MYBPC2: variants seen among roughly 807,000 people sequenced by gnomAD.
MYBPC2 encodes myosin-binding protein C, fast-type.
A neutral mutation model predicts 137.0 loss-of-function variants in MYBPC2; 122 were observed. The observed-to-expected ratio is 0.89, with a 90% CI of 0.77 to 1.03. MYBPC2 has a LOEUF of 1.03. Among genes scored for constraint, MYBPC2 ranks in the 50% least tolerant of loss-of-function variants. The pLI is 0.00. For missense variants in MYBPC2, 1,500 were observed against 1,534.4 expected, an observed-to-expected ratio of 0.98 and a Z score of 0.37; for synonymous variants, 626 against 612.3, an observed-to-expected ratio of 1.02 and a Z score of -0.33.
chr19:50,436,297 G>T (rs1326907486), intron 4 of MYBPC2, 137 bp downstream of exon 4: 1 of 1,359,380 alleles, frequency 7.4e-7, no homozygotes, highest in Non-Finnish European at 9.9e-7. Context: ...GAGGATGGAG[G>T]TTGTGCGGGG....
chr19:50,433,002 G>A (rs1259895040), intron 1 of MYBPC2, 30 bp downstream of exon 1: 3 of 1,575,274 alleles, frequency 1.9e-6, no homozygotes, highest in East Asian at 2.3e-5. Flanking sequence ...CCTGTGTGGG[G>A]ATGGGGCTCT....
rs771211278 is a variant in MYBPC2, at chr19:50,466,238, G to A, written c.*33G>A. 3 of 1,613,826 alleles carry A rather than the reference G, an allele frequency of 1.9e-6. No individual in the cohort carries two copies. Among genetic ancestry groups the A allele is most frequent in the Non-Finnish European group, 2.5e-6 (3 of 1,179,808 alleles). ...CCCCTACCTGCCAAGACAATTGGTG[G>A]TGGAGTCCTGACCCCAATCCCCAAC... On this transcript the variant is annotated 3_prime_UTR_variant, in exon 28 of 28. Coordinates refer to ENST00000357701, the MANE Select transcript of MYBPC2 (RefSeq NM_004533.4). This position sits in a 1 kb window ranked among gnomAD's most constrained non-coding sequence, Gnocchi z 4.9.
intron 20 of MYBPC2, 136 bp from the exon 21 acceptor site, chr19:50,458,451 A>G (rs2039934071): frequency 9.8e-7 from 1 of 1,023,650 alleles, no homozygotes; most frequent in Non-Finnish European, 1.4e-6. Flanking sequence ...AACTAACTCC[A>G]GCTGCTGCTG....
chr19:50,464,298 C>A, intron 26 of MYBPC2, 48 bp from the exon 27 acceptor site: 1 of 1,520,940 alleles, frequency 6.6e-7, no homozygotes, highest in Non-Finnish European at 8.9e-7. Context: ...GTCATCATTG[C>A]CCAGGGTCTC....
chr19:50,445,569 T>C (rs1348060306), intron 11 of MYBPC2, among the ~76,000 whole-genome samples: 1 of 152,030 alleles, frequency 6.6e-6, no homozygotes, highest in Non-Finnish European at 1.5e-5. Flanking sequence ...ATTTTTTATT[T>C]TTTATTAGAG....
In MYBPC2 at chr19:50,459,200, C is replaced by T; in HGVS notation, c.2685C>T (p.Thr895=). ...ACGTGCGGACCAGCGACTTCGACAC[C>T]GTGTTCTTCGTGCGCCAGGCGGCCC... ...RVHVRTSDFD[T]VFFVRQAARS... The change falls in exon 23 of 28, where the codon ACC becomes ACT. Residue 895 remains threonine, a synonymous_variant. Transcript: ENST00000357701. 1 of 1,610,204 alleles carries T rather than the reference C, an allele frequency of 6.2e-7. No individual in the cohort carries two copies. Among genetic ancestry groups the T allele is most frequent in the African/African-American group, 1.3e-5 (1 of 74,898 alleles).
chr19:50,440,064 C>T (rs995347069), intron 7 of MYBPC2, among the ~76,000 whole-genome samples: 8 of 151,976 alleles, frequency 5.3e-5, no homozygotes, highest in South Asian at 4.2e-4. Flanking sequence ...GGGGGAGTGA[C>T]GGAAGTAGCT....
chr19:50,452,235 G>A (rs949090238), intron 16 of MYBPC2, among the ~76,000 whole-genome samples: 19 of 152,318 alleles, frequency 1.2e-4, no homozygotes, highest in Admixed American at 1.0e-3. Context: ...TGATCGACCA[G>A]TTTAGGCTTC....
rs1189131907 is a variant in MYBPC2, at chr19:50,436,642, G to A, written c.371G>A (p.Gly124Glu). 1 of 1,613,964 alleles carries A rather than the reference G, an allele frequency of 6.2e-7. No individual in the cohort carries two copies. The change falls in exon 5 of 28, where the codon GGG (glycine) becomes GAG (glutamate). Residue 124 changes from glycine to glutamate, a missense_variant. By Grantham distance (98) the Gly-to-Glu change is moderately conservative. Coordinates refer to ENST00000357701, the MANE Select transcript of MYBPC2 (RefSeq NM_004533.4). ...GTGTACACCGTGGAGCTGCACATTG[G>A]GAAGGTGGTACTGGGGGACCGTGGG... ...SNVYTVELHIGKVVLGDRGYY... is the reference protein window; with the variant it reads ...SNVYTVELHIEKVVLGDRGYY...
chr19:50,437,420 A>C, intron 5 of MYBPC2, 53 bp from the exon 6 acceptor site: 1 of 1,558,292 alleles, frequency 6.4e-7, no homozygotes, highest in Non-Finnish European at 8.8e-7. Context: ...TCTCAGTCTA[A>C]GATCAGCCCT....
intron 7 of MYBPC2, among the ~76,000 whole-genome samples, chr19:50,438,603 C>T (rs967436450): frequency 3.3e-5 from 5 of 152,070 alleles, no homozygotes; most frequent in Non-Finnish European, 5.9e-5. Flanking sequence ...CAGTGGTTCA[C>T]GCCTATAATC....
intron 16 of MYBPC2, among the ~76,000 whole-genome samples, chr19:50,452,472 GTA>G (rs2039868507): frequency 1.2e-4 from 14 of 118,590 alleles, no homozygotes; most frequent in African/African-American, 4.2e-4. Context: ...ATCTGTGTAT[GTA>G]TGTATGTATG....
In MYBPC2 at chr19:50,455,191, T is replaced by C; in HGVS notation, c.2098T>C (p.Ser700Pro). ...GGTCTTCACAGAGACCACCTATGAG[T>C]CCACCAAGATGATCGAGGGCATCCT... ...FEVFTETTYE[S>P]TKMIEGILYE... Residue 700 changes from serine (S) to proline (P), a missense_variant, in exon 19 of 28, where the codon TCC becomes CCC. Ser to Pro is a moderately conservative substitution (Grantham distance 74, BLOSUM62 -1). Transcript: ENST00000357701. 6.2e-7 allele frequency: 1 copy of C among 1,613,770 alleles called. No individual in the cohort carries two copies. Among genetic ancestry groups the C allele is most frequent in the Non-Finnish European group, 8.5e-7 (1 of 1,179,852 alleles).
intron 27 of MYBPC2, 31 bp downstream of exon 27, chr19:50,464,563 G>C (rs1391341525): frequency 1.3e-6 from 2 of 1,571,634 alleles, no homozygotes; most frequent in Middle Eastern, 3.7e-4. Flanking sequence ...AACACTGGCT[G>C]ACCCTTGCTC....
Position 50,455,543 on chromosome 19 carries a change from A to G in MYBPC2, c.2237A>G (p.Glu746Gly). 3.7e-6 allele frequency: 6 copies of G among 1,613,776 alleles called. No individual in the cohort carries two copies. The highest frequency in any genetic ancestry group is 5.1e-6 in the Non-Finnish European group (6 of 1,179,834). The change falls in exon 20 of 28, where the codon GAG (glutamate) becomes GGG (glycine). Residue 746 changes from glutamate (E) to glycine (G), a missense_variant. Coordinates refer to ENST00000357701, the MANE Select transcript of MYBPC2 (RefSeq NM_004533.4). ...AGTGAACCCCTGCACCTGATAGTGG[A>G]GGATGTGACAGACACCACCACCACA... is the stretch of plus-strand genomic sequence containing the variant. ...PTSEPLHLIV[E>G]DVTDTTTTLK...
intron 20 of MYBPC2, among the ~76,000 whole-genome samples, chr19:50,456,818 A>T (rs906411262): frequency 4.0e-5 from 6 of 151,500 alleles, no homozygotes; most frequent in African/African-American, 1.5e-4. Context: ...TGGCCATCCA[A>T]CCATCTGTCC....
chr19:50,461,060 G>A (rs572616504), intron 24 of MYBPC2, among the ~76,000 whole-genome samples: 1 of 151,154 alleles, frequency 6.6e-6, no homozygotes, highest in Non-Finnish European at 1.5e-5. Context: ...CTGGAATGCA[G>A]TGGCATGATC....
At chr19:50,439,493 C>A (rs2039732407) in intron 7 of MYBPC2, among the ~76,000 whole-genome samples, 1 of 151,970 alleles carries the variant, frequency 6.6e-6, no homozygotes, top group Admixed American at 6.6e-5. Flanking sequence ...CTCACTCTCT[C>A]ACCCATCAAC....
rs2122605780 is a variant in MYBPC2, at chr19:50,454,275, C to A, written c.1920C>A (p.Asp640Glu). ...TCCTGCCCCCTGCAGATGTCCCAGA[C>A]CCCCCGGAGGCTGTGCGCATCACCT... ...SIFLQVVDVP[D>E]PPEAVRITSV... The change falls in exon 18 of 28, where the codon GAC becomes GAA. Residue 640 changes from aspartate to glutamate, a missense_variant. By Grantham distance (45) the Asp-to-Glu change is conservative (BLOSUM62 2). Coordinates refer to ENST00000357701, the MANE Select transcript of MYBPC2 (RefSeq NM_004533.4). 2.5e-6 allele frequency: 4 copies of A among 1,613,862 alleles called. No individual in the cohort carries two copies. Among genetic ancestry groups the A allele is most frequent in the Non-Finnish European group, 3.4e-6 (4 of 1,179,842 alleles).
Sources: allele counts gnomAD v4.1 joint callset (sites outside exome capture counted in the v4.1 genomes callset), GRCh38; gene constraint gnomAD v4.1.1; non-coding constraint Gnocchi (gnomAD v3.1); transcripts MANE v1.5; gene names NCBI Gene and HGNC (gene_info 2026-07-23, HGNC 2026-07-21).